Variants in SLIT3 observed in about 807,000 individuals in gnomAD.
SLIT3 encodes slit guidance ligand 3.
SLIT3 carries 68 observed loss-of-function variants against 184.0 expected under a neutral mutation model. That is an observed-to-expected ratio of 0.37 (90% confidence interval 0.30 to 0.45). The LOEUF (loss-of-function observed/expected upper bound fraction) is 0.45, where lower values mean the gene tolerates loss of function less well. Ranked by LOEUF, SLIT3 falls within the 20% of genes least tolerant of loss-of-function variation. The pLI, the probability that SLIT3 is intolerant of heterozygous loss-of-function variation, is 1.00. For synonymous variants in SLIT3, 831 were observed against 828.6 expected (o/e 1.00, Z -0.05); for missense variants, 1,707 against 2,026.0 (o/e 0.84, Z 3.02).
rs190267692 is a variant in SLIT3 at position 169,035,592 on chromosome 5, T to A, written c.414-152256A>T. Among the ~76,000 whole-genome samples the A allele has an allele frequency of 3.0e-4, 42 of 141,378 alleles. No homozygotes were observed. The East Asian group carries it at 8.3e-3, about 28-fold the overall frequency. The allele number at this position is 141,378 out of a possible 152,430, so 92.7% of individuals were successfully genotyped here. On this transcript the variant is annotated intron_variant, in intron 4 of 35. Coordinates refer to ENST00000519560, the MANE Select transcript of SLIT3 (RefSeq NM_003062.4). ...TGAACCCAGGAGGTGGAGCTTGCAG[T>A]GAGCCAAGATCGCACCACTGCACTC...
chr5:169,233,240 G>C (rs1765070315), intron 3 of SLIT3, among the ~76,000 whole-genome samples: 1 of 152,272 alleles, frequency 6.6e-6, no homozygotes, highest in Non-Finnish European at 1.5e-5. Context: ...GGCCAGGATG[G>C]TCTCGATCTC....
At chr5:168,733,621 C>T (rs1438944079) in intron 20 of SLIT3, among the ~76,000 whole-genome samples, 1 of 151,764 alleles carries the variant, frequency 6.6e-6, no homozygotes, top group Admixed American at 6.6e-5. Context: ...CACACCATGG[C>T]CTGTCAAGGG....
chr5:168,722,491 A>G (rs1363687027), intron 22 of SLIT3, among the ~76,000 whole-genome samples, 164 bp from the exon 23 acceptor site: 2 of 152,230 alleles, frequency 1.3e-5, no homozygotes, highest in African/African-American at 4.8e-5. Context: ...CAATCCAGGA[A>G]GCGCACTGGC....
At chr5:169,016,256 C>T (rs1044784371) in intron 4 of SLIT3, among the ~76,000 whole-genome samples, 10 of 152,236 alleles carry the variant, frequency 6.6e-5, no homozygotes, top group Admixed American at 2.0e-4. Context: ...CTGGTTAAGT[C>T]CCGGGGCTAC....
chr5:168,905,054 G>A (rs1761000271), intron 4 of SLIT3, among the ~76,000 whole-genome samples: 1 of 152,136 alleles, frequency 6.6e-6, no homozygotes, highest in African/African-American at 2.4e-5. Context: ...GCGTGCACCT[G>A]TAGTCCCAGC....
At chr5:168,748,691 T>A (rs996030297) in intron 19 of SLIT3, among the ~76,000 whole-genome samples, 1 of 152,086 alleles carries the variant, frequency 6.6e-6, no homozygotes, top group African/African-American at 2.4e-5. Flanking sequence ...GTTAACCATA[T>A]CAGGAATAAG....
In SLIT3 at chr5:168,696,658, T is replaced by G. The variant is rs551004181; in HGVS notation, c.2943-227A>C. On this transcript the variant is annotated intron_variant, in intron 27 of 35. Transcript: ENST00000519560. Reference sequence around the variant, plus strand: ...CCCCATCTCCAGGCAATGTTCTATCTCCCCTGGCCCATGCTGGCTGCCTCG... The same window carrying G: ...CCCCATCTCCAGGCAATGTTCTATCGCCCCTGGCCCATGCTGGCTGCCTCG... Among the ~76,000 whole-genome samples, 222 of 152,204 alleles carry G rather than the reference T, an allele frequency of 1.5e-3. 8 individuals carry two copies. Among genetic ancestry groups the G allele is most frequent in the Non-Finnish European group, 1.3e-4 (9 of 68,008 alleles).
intron 4 of SLIT3, among the ~76,000 whole-genome samples, chr5:169,170,770 C>A (rs754818106): frequency 6.6e-6 from 1 of 152,110 alleles, no homozygotes; most frequent in Non-Finnish European, 1.5e-5. Flanking sequence ...TTCCTATTGG[C>A]AGGAATCAAC....
intron 14 of SLIT3, among the ~76,000 whole-genome samples, chr5:168,770,230 C>T (rs1307098328): frequency 6.6e-6 from 1 of 152,198 alleles, no homozygotes; most frequent in Non-Finnish European, 1.5e-5. Flanking sequence ...GCGGATGCAG[C>T]TGATAGAGAG....
chr5:169,062,462 C>T (rs945632058), intron 4 of SLIT3, among the ~76,000 whole-genome samples: 1 of 152,174 alleles, frequency 6.6e-6, no homozygotes, highest in African/African-American at 2.4e-5. Context: ...CCTGCCTTGG[C>T]CCTAGAAGGC....
chr5:169,180,564 G>A (rs769878270), intron 4 of SLIT3, among the ~76,000 whole-genome samples: 9 of 152,178 alleles, frequency 5.9e-5, no homozygotes, highest in Non-Finnish European at 1.2e-4. Flanking sequence ...GAGACAAAAG[G>A]TGGTGAACAT....
intron 3 of SLIT3, among the ~76,000 whole-genome samples, chr5:169,200,531 CCAGCAAGCGCCAGGG>C (rs139634277): frequency 0.21 from 32,342 of 152,008 alleles, 4,012 homozygotes; most frequent in East Asian, 0.54. Flanking sequence ...CTGCTCCAGG[CCAGCAAGCGCCAGGG>C]ATGATGACTA....
intron 6 of SLIT3, among the ~76,000 whole-genome samples, chr5:168,834,720 A>C (rs1757989765): frequency 1.4e-5 from 2 of 146,522 alleles, no homozygotes; most frequent in African/African-American, 2.6e-5. Context: ...AAAAAAAAAA[A>C]AAAAAGATGG....
chr5:168,832,668 C>G (rs1035685719), intron 6 of SLIT3, among the ~76,000 whole-genome samples: 2 of 152,142 alleles, frequency 1.3e-5, no homozygotes, highest in Non-Finnish European at 2.9e-5. Context: ...TAAATGGGAT[C>G]GTCACTTCTT....
intron 4 of SLIT3, among the ~76,000 whole-genome samples, chr5:169,165,147 C>G (rs1762595938): frequency 6.6e-6 from 1 of 152,226 alleles, no homozygotes. Context: ...GAGGGGGTAA[C>G]TAAAGGCACC....
chr5:168,806,322 C>G (rs1756955002), intron 9 of SLIT3, 124 bp downstream of exon 9: 5 of 1,026,536 alleles, frequency 4.9e-6, no homozygotes, highest in Admixed American at 3.9e-5. Context: ...AAAGAGATTC[C>G]TGAGTGTTTT....
chr5:169,204,135 A>G (rs2113494645), intron 3 of SLIT3, among the ~76,000 whole-genome samples: 1 of 152,092 alleles, frequency 6.6e-6, no homozygotes, highest in South Asian at 2.1e-4. Context: ...GGTGGGGGAG[A>G]AGCAAGAGAG....
chr5:168,981,588 T>C (rs1754947378), intron 4 of SLIT3, among the ~76,000 whole-genome samples: 2 of 152,146 alleles, frequency 1.3e-5, no homozygotes, highest in Non-Finnish European at 2.9e-5. Flanking sequence ...TGACTTCCAT[T>C]ATTGTAGATA....
At chr5:168,730,670 C>T (rs750135783) in intron 20 of SLIT3, among the ~76,000 whole-genome samples, 3 of 151,358 alleles carry the variant, frequency 2.0e-5, no homozygotes, top group Admixed American at 2.0e-4. Flanking sequence ...AAAAAAAATC[C>T]AAATGAATGA....
Sources: gnomAD v4.1 joint callset for allele counts (sites outside exome capture counted in the v4.1 genomes callset) on GRCh38, gnomAD v4.1.1 for gene constraint, MANE v1.5 for transcripts, NCBI Gene and HGNC (gene_info 2026-07-23, HGNC 2026-07-21) for gene names.